PCDHA9: variants seen among roughly 807,000 people sequenced by gnomAD.
The protein encoded by PCDHA9 is protocadherin alpha-9.
In PCDHA9, 62 loss-of-function variants were observed where a neutral mutation model predicts 62.0. That is an observed-to-expected ratio of 1.00 (90% CI 0.81 to 1.23). The LOEUF (loss-of-function observed/expected upper bound fraction) is 1.23. Ranked by LOEUF, PCDHA9 falls within the 50% of genes most tolerant of loss-of-function variation. The pLI is 0.00. For missense variants in PCDHA9, 1,205 were observed against 1,249.8 expected, an observed-to-expected ratio of 0.96 and a Z score of 0.54; for synonymous variants, 557 against 567.6, an observed-to-expected ratio of 0.98 and a Z score of 0.27.
intron 1 of PCDHA9, chr5:140,868,947 A>T: frequency 7.7e-7 from 1 of 1,290,598 alleles, no homozygotes; most frequent in Non-Finnish European, 1.1e-6. Flanking sequence ...CTGAACAGTG[A>T]GGCACTCCCA....
At chr5:140,872,131 A>G (rs2053496652) in intron 1 of PCDHA9, among the ~76,000 whole-genome samples, 1 of 152,148 alleles carries the variant, frequency 6.6e-6, no homozygotes, top group African/African-American at 2.4e-5. Context: ...TATCAAAGCT[A>G]GAATACTCCA....
At position 140,870,848 on chromosome 5, in the gene PCDHA9, G is replaced by C. The variant is rs368769297; in HGVS notation, c.2394+19959G>C. The C allele has an allele frequency of 2.2e-5, 35 of 1,613,876 alleles. No homozygotes were observed. In the African/African-American group the frequency reaches 3.3e-4, roughly 15 times the overall value. ...GGCGCAGTTAACAAGCTAGTACCGCGGTCGGTGGGTGCGGGCCACGTGGTG... is the reference window on the plus strand; with the variant it reads ...GGCGCAGTTAACAAGCTAGTACCGCCGTCGGTGGGTGCGGGCCACGTGGTG... On this transcript the variant is annotated intron_variant, in intron 1 of 3. Transcript: ENST00000532602.
intron 1 of PCDHA9, among the ~76,000 whole-genome samples, chr5:140,893,701 C>A (rs1297465606): frequency 6.6e-6 from 1 of 152,104 alleles, no homozygotes; most frequent in African/African-American, 2.4e-5. Context: ...TCTATCCTAG[C>A]CTGTAAAGCT....
At chr5:140,924,060 A>G (rs2081653054) in intron 1 of PCDHA9, among the ~76,000 whole-genome samples, 1 of 152,250 alleles carries the variant, frequency 6.6e-6, no homozygotes, top group African/African-American at 2.4e-5. Context: ...ACATCTTTAC[A>G]GTTGTATTTC....
intron 1 of PCDHA9, chr5:140,877,810 C>G (rs782370638): frequency 3.1e-6 from 5 of 1,610,364 alleles, no homozygotes; most frequent in Admixed American, 3.4e-5. Context: ...TCAGCTGTCT[C>G]GAGAAGATTG....
At chr5:140,990,512 CTT>C (rs1323641272) in intron 3 of PCDHA9, among the ~76,000 whole-genome samples, 1 of 152,202 alleles carries the variant, frequency 6.6e-6, no homozygotes, top group African/African-American at 2.4e-5. Context: ...AGTCTTCTCT[CTT>C]GTCTTTTTTG....
intron 3 of PCDHA9, among the ~76,000 whole-genome samples, chr5:141,008,842 T>C (rs1554261951): frequency 6.6e-6 from 1 of 152,214 alleles, no homozygotes; most frequent in East Asian, 1.9e-4. Context: ...TCTTACGCTG[T>C]GTATTCCCAT....
At chr5:140,932,309 ATATAT>A (rs1441363335) in intron 1 of PCDHA9, among the ~76,000 whole-genome samples, 6 of 151,956 alleles carry the variant, frequency 3.9e-5, no homozygotes, top group Non-Finnish European at 8.8e-5. Context: ...AAAGGTATAA[ATATAT>A]TAATGTAGCA....
At position 140,969,226 on chromosome 5, in the gene PCDHA9, G is replaced by A. The variant is rs145631723; in HGVS notation, c.2395-9723G>A. 3.9e-4 allele frequency: 622 copies of A among 1,614,150 alleles called. 3 individuals are homozygous for A. The African/African-American group carries it at 5.9e-3, about 15-fold the overall frequency. On this transcript the variant is annotated intron_variant, in intron 1 of 3. Transcript: ENST00000532602. Reference sequence around the variant, plus strand: ...GGGCCCAGACAGGACCAGGGCCTTCGGGAGCCCAAGCAGCAGTGACTGACA... The same window carrying A: ...GGGCCCAGACAGGACCAGGGCCTTCAGGAGCCCAAGCAGCAGTGACTGACA...
chr5:140,905,493 T>C (rs185992010), intron 1 of PCDHA9, among the ~76,000 whole-genome samples: 10 of 152,288 alleles, frequency 6.6e-5, no homozygotes, highest in Non-Finnish European at 1.5e-4. Context: ...CTTCTTTTTG[T>C]TTTGTATTGC....
At chr5:140,936,630 T>C (rs1309907947) in intron 1 of PCDHA9, among the ~76,000 whole-genome samples, 1 of 152,234 alleles carries the variant, frequency 6.6e-6, no homozygotes, top group Non-Finnish European at 1.5e-5. Context: ...GCTACCTTTG[T>C]CATAAGCAAC....
intron 1 of PCDHA9, chr5:140,877,494 G>A: frequency 6.2e-7 from 1 of 1,613,890 alleles, no homozygotes; most frequent in Non-Finnish European, 8.5e-7. Context: ...AGAACGGCCA[G>A]GCCCCAAAGA....
rs377029109 is a variant in PCDHA9, at chr5:141,002,346, C to G, written c.2543-7281C>G. On this transcript the variant is annotated intron_variant, in intron 3 of 3. Coordinates refer to ENST00000532602, the MANE Select transcript of PCDHA9 (RefSeq NM_031857.2). Reference sequence around the variant, plus strand: ...CGGGCTGCATCCGCACCCCTTCCCCCACCTCCACTCCTTTCAACTCATTCT... The same window carrying G: ...CGGGCTGCATCCGCACCCCTTCCCCGACCTCCACTCCTTTCAACTCATTCT... Among the ~76,000 whole-genome samples, 17 of 152,370 alleles carry G rather than the reference C, an allele frequency of 1.1e-4. No homozygotes were observed. The East Asian group carries it at 2.7e-3, about 24-fold the overall frequency.
chr5:140,902,750 A>C (rs1367370245), intron 1 of PCDHA9, among the ~76,000 whole-genome samples: 1 of 151,888 alleles, frequency 6.6e-6, no homozygotes. Flanking sequence ...AATCCATTAT[A>C]TCATTCTTAT....
rs782079089 is a variant in PCDHA9, at chr5:141,009,663, C to T, written c.2579C>T (p.Ala860Val). 4 of 1,614,034 alleles carry T rather than the reference C, an allele frequency of 2.5e-6. No individual in the cohort carries two copies. Among genetic ancestry groups the T allele is most frequent in the East Asian group, 2.2e-5 (1 of 44,876 alleles). ...GGAGAAGTGTCCCCTCCAGTCGGTG[C>T]GGGTGTCAACAGCAACAGCTGGACC... Reference protein sequence around the residue: ...EAGEVSPPVGAGVNSNSWTFK... With the variant: ...EAGEVSPPVGVGVNSNSWTFK... Residue 860 changes from alanine to valine, a missense_variant, in exon 4 of 4, where the codon GCG (alanine) becomes GTG (valine). Transcript: ENST00000532602.
In PCDHA9 at chr5:141,008,942, A is replaced by G. The variant is rs544111760; in HGVS notation, c.2543-685A>G. Among the ~76,000 whole-genome samples the G allele has an allele frequency of 1.5e-4, 23 of 152,326 alleles. No homozygotes were observed. In the South Asian group the frequency reaches 4.8e-3, roughly 32 times the overall value. On this transcript the variant is annotated intron_variant, in intron 3 of 3. Transcript: ENST00000532602. ...ATTCAGCTAATTTTTCTTGTTTTGG[A>G]CAAAATAGACATCCTAATACATTTA...
chr5:140,859,326 A>G (rs2045811679), intron 1 of PCDHA9: 1 of 227,460 alleles, frequency 4.4e-6, no homozygotes, highest in East Asian at 1.7e-4. Context: ...GTTTGAGGAG[A>G]AAATAAAATT....
intron 3 of PCDHA9, among the ~76,000 whole-genome samples, chr5:141,006,304 C>T (rs528368169): frequency 7.9e-5 from 12 of 152,036 alleles, no homozygotes; most frequent in African/African-American, 2.7e-4. Context: ...CTCCACTTCC[C>T]GGGTTCATGC....
chr5:140,848,600 C>T lies in PCDHA9; in HGVS notation c.105C>T (p.Val35=), dbSNP rs2150414065. The change falls in exon 1 of 4, where the codon GTC becomes GTT. Residue 35 remains valine, a synonymous_variant. Coordinates refer to ENST00000532602, the MANE Select transcript of PCDHA9 (RefSeq NM_031857.2). The part of the protein sequence containing the change: ...VVGSGQLHYS[V]PEEAEHGTFV... ...GGAGCGGCCAGCTCCACTACTCCGT[C>T]CCGGAGGAAGCCGAACACGGCACCT... 7 of 1,593,634 alleles carry T rather than the reference C, an allele frequency of 4.4e-6. No homozygotes were observed. The African/African-American group carries it at 8.1e-5, about 18-fold the overall frequency.
Sources: gnomAD v4.1 joint callset for allele counts (sites outside exome capture counted in the v4.1 genomes callset) on GRCh38, gnomAD v4.1.1 for gene constraint, MANE v1.5 for transcripts, NCBI Gene and HGNC (gene_info 2026-07-23, HGNC 2026-07-21) for gene names.